Variants in SHISA9 observed in about 807,000 individuals in gnomAD.
SHISA9 encodes shisa family member 9.
In SHISA9, 13 loss-of-function variants were observed where a neutral mutation model predicts 38.0. The ratio of observed to expected loss-of-function variants is 0.34; its 90% confidence interval spans 0.22 to 0.54. The LOEUF is 0.54. SHISA9 is among the 20% of genes least tolerant of loss of function. The pLI is 0.91. For missense variants in SHISA9, 538 were observed against 575.8 expected (o/e 0.93, Z 0.67); for synonymous variants, 275 against 242.0 (o/e 1.14, Z -1.27).
the SHISA9 span, among the ~76,000 whole-genome samples, chr16:13,393,180 G>A: frequency 6.6e-6 from 1 of 152,160 alleles, no homozygotes; most frequent in African/African-American, 2.4e-5. Flanking sequence ...CGTGCTCACT[G>A]TATCCACTGT....
At chr16:13,268,795 T>C in the SHISA9 span, among the ~76,000 whole-genome samples, 2 of 152,206 alleles carry the variant, frequency 1.3e-5, no homozygotes, top group Admixed American at 1.3e-4. Context: ...AAAGCAATTC[T>C]TGGGGAAAAC....
intron 2 of SHISA9, among the ~76,000 whole-genome samples, chr16:12,951,221 CAAAA>C (rs71147772): frequency 8.4e-5 from 1 of 11,962 alleles, no homozygotes; most frequent in Non-Finnish European, 1.9e-4. Flanking sequence ...ACTCCTTCTC[CAAAA>C]AAAAAAAAAA....
Position 13,140,805 on chromosome 16 carries a change from T to A in SHISA9, c.692-62589T>A, listed in dbSNP as rs560844558. ...TCAGGAAAGGTTTCCAGCTAGGTTT[T>A]GAATGAAACACCCAATAACTAGACT... is the stretch of plus-strand genomic sequence containing the variant. On this transcript the variant is annotated intron_variant, in intron 2 of 4. Transcript: ENST00000558583. 4.3e-4 allele frequency among the ~76,000 whole-genome samples: 65 copies of A among 152,278 alleles called. 3 individuals are homozygous for A. The South Asian group carries it at 0.013, about 32-fold the overall frequency.
chr16:13,352,985 C>T, the SHISA9 span, among the ~76,000 whole-genome samples: 1 of 152,108 alleles, frequency 6.6e-6, no homozygotes, highest in Non-Finnish European at 1.5e-5. Flanking sequence ...GCCATCTGGG[C>T]GTATATGAGC....
At chr16:12,919,926 T>C (rs1000758508) in intron 2 of SHISA9, among the ~76,000 whole-genome samples, 2 of 152,214 alleles carry the variant, frequency 1.3e-5, no homozygotes, top group African/African-American at 4.8e-5. Context: ...TAATTATCGT[T>C]TGTTTTTGAA....
the SHISA9 span, among the ~76,000 whole-genome samples, chr16:13,366,205 A>G: frequency 1.3e-5 from 2 of 152,228 alleles, no homozygotes; most frequent in African/African-American, 4.8e-5. Context: ...GGCTTGTATC[A>G]TTTAAAAAGA....
At chr16:13,532,557 A>ATGTGTGTGTGTGTG in the SHISA9 span, among the ~76,000 whole-genome samples, 141 of 150,148 alleles carry the variant, frequency 9.4e-4, no homozygotes, top group African/African-American at 2.8e-3. Flanking sequence ...GCGTGTGTGT[A>ATGTGTGTGTGTGTG]TGTGTGTGTG....
chr16:13,011,375 C>T (rs2072672335), intron 2 of SHISA9, among the ~76,000 whole-genome samples: 1 of 144,732 alleles, frequency 6.9e-6, no homozygotes. Flanking sequence ...AGCACAAATC[C>T]CCAATACACT....
chr16:13,390,095 A>G, the SHISA9 span, among the ~76,000 whole-genome samples: 1 of 150,022 alleles, frequency 6.7e-6, no homozygotes, highest in Admixed American at 6.7e-5. Context: ...AGTACATAGA[A>G]CTTAAATACT....
chr16:13,305,478 A>G, the SHISA9 span, among the ~76,000 whole-genome samples: 1 of 152,198 alleles, frequency 6.6e-6, no homozygotes, highest in Non-Finnish European at 1.5e-5. Context: ...AGAATGGGCT[A>G]CAAGGACTCT....
intron 3 of SHISA9, among the ~76,000 whole-genome samples, chr16:13,211,736 T>G (rs2051121918): frequency 6.6e-6 from 1 of 152,198 alleles, no homozygotes; most frequent in Non-Finnish European, 1.5e-5. Context: ...CTAAGCCCTA[T>G]CTGAGCTAAT....
the SHISA9 span, among the ~76,000 whole-genome samples, chr16:13,402,660 G>A: frequency 6.6e-6 from 1 of 151,926 alleles, no homozygotes; most frequent in South Asian, 2.1e-4. Context: ...TGCAGGCACA[G>A]GCCGCCACGC....
chr16:13,392,484 C>G, the SHISA9 span, among the ~76,000 whole-genome samples: 1 of 152,116 alleles, frequency 6.6e-6, no homozygotes, highest in African/African-American at 2.4e-5. Context: ...GGATGTAGAC[C>G]TTTTACTGAA....
the SHISA9 span, among the ~76,000 whole-genome samples, chr16:13,354,667 G>A: frequency 6.6e-6 from 1 of 151,398 alleles, no homozygotes; most frequent in African/African-American, 2.4e-5. Context: ...ACGCACACAT[G>A]AGGGCTAGGC....
chr16:13,310,725 C>T, the SHISA9 span, among the ~76,000 whole-genome samples: 2 of 144,466 alleles, frequency 1.4e-5, no homozygotes, highest in Admixed American at 7.1e-5. Context: ...TGCTCTGTCA[C>T]CAGGCTGGAG....
chr16:13,136,313 G>C (rs1292989395), intron 2 of SHISA9, among the ~76,000 whole-genome samples: 1 of 151,236 alleles, frequency 6.6e-6, no homozygotes, highest in Non-Finnish European at 1.5e-5. Flanking sequence ...TTGCCAAAGT[G>C]CATGTCACAT....
chr16:13,140,041 C>T (rs1382474697), intron 2 of SHISA9, among the ~76,000 whole-genome samples: 1 of 147,214 alleles, frequency 6.8e-6, no homozygotes, highest in Non-Finnish European at 1.5e-5. Context: ...AGTAGATAGT[C>T]CCCTCCCCTC....
the SHISA9 span, among the ~76,000 whole-genome samples, chr16:13,552,083 G>T: frequency 1.3e-5 from 2 of 152,124 alleles, no homozygotes; most frequent in Admixed American, 6.5e-5. Flanking sequence ...CTTCAGCTTT[G>T]TGTTTTTTCT....
At chr16:13,109,640 C>T in intron 2 of SHISA9, among the ~76,000 whole-genome samples, 1 of 152,174 alleles carries the variant, frequency 6.6e-6, no homozygotes. Flanking sequence ...AGTGTGAGGA[C>T]ATTTTTTGTC....
Sources: allele counts gnomAD v4.1 joint callset (sites outside exome capture counted in the v4.1 genomes callset), GRCh38; gene constraint gnomAD v4.1.1; transcripts MANE v1.5; gene names NCBI Gene and HGNC (gene_info 2026-07-23, HGNC 2026-07-21).